MYO3B: variants seen among roughly 807,000 people sequenced by gnomAD.
The protein encoded by MYO3B is myosin-IIIb.
Under a neutral mutation model 174.6 loss-of-function variants are expected in MYO3B, and 156 were observed. The ratio of observed to expected loss-of-function variants is 0.89; its 90% confidence interval spans 0.78 to 1.02. MYO3B has a LOEUF of 1.02. MYO3B is among the 50% of genes least tolerant of loss of function. The pLI is 0.00. For synonymous variants in MYO3B, 563 were observed against 569.1 expected, an observed-to-expected ratio of 0.99 and a Z score of 0.15; for missense variants, 1,632 against 1,639.4, an observed-to-expected ratio of 1.00 and a Z score of 0.08.
chr2:170,260,283 C>T (rs1574671283), intron 7 of MYO3B, among the ~76,000 whole-genome samples: 1 of 152,058 alleles, frequency 6.6e-6, no homozygotes, highest in Admixed American at 6.5e-5. Context: ...ATTGCAGCAC[C>T]ATTCACAATA....
intron 16 of MYO3B, among the ~76,000 whole-genome samples, chr2:170,394,191 T>C (rs947961668): frequency 2.6e-5 from 4 of 152,212 alleles, no homozygotes; most frequent in South Asian, 2.1e-4. Context: ...TGTTCCATTA[T>C]TGGAATGCTA....
chr2:170,182,610 G>GT (rs1467791803), intron 1 of MYO3B, among the ~76,000 whole-genome samples: 5 of 119,712 alleles, frequency 4.2e-5, no homozygotes, highest in African/African-American at 1.4e-4. Context: ...TTCTTTTTCT[G>GT]TTTCTTTTTT....
At chr2:170,509,668 G>A (rs910938953) in intron 28 of MYO3B, among the ~76,000 whole-genome samples, 1 of 152,204 alleles carries the variant, frequency 6.6e-6, no homozygotes, top group Non-Finnish European at 1.5e-5. Context: ...ACTTAGGTGT[G>A]CTCCTGACAT....
intron 32 of MYO3B, among the ~76,000 whole-genome samples, chr2:170,629,328 C>G (rs750650215): frequency 3.3e-5 from 5 of 152,194 alleles, no homozygotes; most frequent in Non-Finnish European, 7.3e-5. Flanking sequence ...GACTCACCCT[C>G]TGGTGAGGCT....
chr2:170,545,437 CG>C (rs1336484413), intron 32 of MYO3B, among the ~76,000 whole-genome samples: 1 of 152,076 alleles, frequency 6.6e-6, no homozygotes, highest in East Asian at 1.9e-4. Flanking sequence ...ATTGCTGTTA[CG>C]GTAATTATTG....
intron 13 of MYO3B, among the ~76,000 whole-genome samples, chr2:170,386,679 A>C (rs16858315): frequency 0.042 from 6,407 of 152,270 alleles, 427 homozygotes; most frequent in African/African-American, 0.14. Flanking sequence ...ATCAATATTG[A>C]AAGAATGAAT....
chr2:170,324,092 C>G (rs1381268598), intron 7 of MYO3B, among the ~76,000 whole-genome samples: 4 of 152,140 alleles, frequency 2.6e-5, no homozygotes, highest in African/African-American at 9.7e-5. Context: ...GGGCGAAATC[C>G]TAGAGGCAGA....
At chr2:170,406,465 T>G (rs2094509745) in intron 21 of MYO3B, among the ~76,000 whole-genome samples, 1 of 152,246 alleles carries the variant, frequency 6.6e-6, no homozygotes, top group Non-Finnish European at 1.5e-5. Flanking sequence ...CTCCACATAG[T>G]ACTTTATGGT....
chr2:170,410,017 T>C (rs181959521), intron 22 of MYO3B, among the ~76,000 whole-genome samples: 30 of 152,322 alleles, frequency 2.0e-4, no homozygotes, highest in African/African-American at 7.2e-4. Flanking sequence ...GGCATGTCCC[T>C]CTCGTGAAGG....
chr2:170,300,347 G>A (rs1175306924), intron 7 of MYO3B, among the ~76,000 whole-genome samples: 1 of 152,082 alleles, frequency 6.6e-6, no homozygotes, highest in African/African-American at 2.4e-5. Context: ...TGTGTTTAGA[G>A]GACTGATATG....
chr2:170,466,958 T>C (rs1008548634), intron 25 of MYO3B, among the ~76,000 whole-genome samples: 1 of 152,228 alleles, frequency 6.6e-6, no homozygotes, highest in Non-Finnish European at 1.5e-5. Context: ...TTATATGTTA[T>C]AAATCCTTAG....
In MYO3B at chr2:170,618,282, T is replaced by G. The variant is rs150460948; in HGVS notation, c.3734-33346T>G. Among the ~76,000 whole-genome samples the G allele has an allele frequency of 8.0e-3, 1,221 of 152,180 alleles. 22 individuals carry two copies. The highest frequency in any genetic ancestry group is 0.028 in the African/African-American group (1,172 of 41,504). On this transcript the variant is annotated intron_variant, in intron 32 of 34. Transcript: ENST00000408978. ...GCTCGAATAAGAGGAGGAAAAGGAA[T>G]ATAGGCCCAATATGTATAGTTTTTA...
In MYO3B at chr2:170,382,137, C is replaced by T. The variant is rs1180099348; in HGVS notation, c.1068+25C>T. ...GGTACTAAATATTTAGTAGACAATT[C>T]TCATTGAAGACATTTGTTTCATGTG... On this transcript the variant is annotated intron_variant, in intron 10 of 34. Transcript: ENST00000408978. The T allele has an allele frequency of 3.2e-6, 5 of 1,569,002 alleles. No homozygotes were observed. The Admixed American group carries it at 8.4e-5, about 26-fold the overall frequency.
At chr2:170,604,960 T>G (rs1694724677) in intron 32 of MYO3B, among the ~76,000 whole-genome samples, 3 of 152,152 alleles carry the variant, frequency 2.0e-5, no homozygotes, top group African/African-American at 7.2e-5. Flanking sequence ...TTTAGGCTTC[T>G]CCTCCCTCAC....
chr2:170,505,292 A>C (rs1236680400), intron 28 of MYO3B, among the ~76,000 whole-genome samples: 1 of 152,150 alleles, frequency 6.6e-6, no homozygotes, highest in African/African-American at 2.4e-5. Flanking sequence ...GCAACTCTGC[A>C]TATCACCTTG....
intron 32 of MYO3B, among the ~76,000 whole-genome samples, chr2:170,546,759 A>G (rs2106213524): frequency 6.6e-6 from 1 of 152,356 alleles, no homozygotes; most frequent in East Asian, 1.9e-4. Flanking sequence ...TGTGCTTTAA[A>G]TGACCCATTA....
At chr2:170,529,987 A>C (rs1467225690) in intron 30 of MYO3B, among the ~76,000 whole-genome samples, 1 of 152,236 alleles carries the variant, frequency 6.6e-6, no homozygotes, top group Non-Finnish European at 1.5e-5. Flanking sequence ...ACTATAAAAA[A>C]CAAATATGCC....
At chr2:170,519,666 A>G in intron 30 of MYO3B, 126 bp downstream of exon 30, 3 of 838,898 alleles carry the variant, frequency 3.6e-6, no homozygotes. Context: ...AACTGGAGAG[A>G]GTGGAACCAA....
intron 13 of MYO3B, 46 bp downstream of exon 13, chr2:170,386,318 G>T: frequency 6.8e-7 from 1 of 1,477,922 alleles, no homozygotes; most frequent in Non-Finnish European, 9.4e-7. Flanking sequence ...AGTTCCTACA[G>T]AGTAACTGCA....
Sources: gnomAD v4.1 joint callset for allele counts (sites outside exome capture counted in the v4.1 genomes callset) on GRCh38, gnomAD v4.1.1 for gene constraint, MANE v1.5 for transcripts, NCBI Gene and HGNC (gene_info 2026-07-23, HGNC 2026-07-21) for gene names.